TDRD9: variants seen among roughly 807,000 people sequenced by gnomAD.
TDRD9 encodes ATP-dependent RNA helicase TDRD9.
TDRD9 carries 124 observed loss-of-function variants against 172.6 expected under a neutral mutation model. The observed-to-expected ratio is 0.72, with a 90% confidence interval of 0.62 to 0.83. The LOEUF (loss-of-function observed/expected upper bound fraction) is 0.83. Among genes scored for constraint, TDRD9 ranks in the 40% least tolerant of loss-of-function variants. The pLI, the probability that TDRD9 is intolerant of heterozygous loss-of-function variation, is 0.00. For synonymous variants in TDRD9, 619 were observed against 617.1 expected (o/e 1.00, Z -0.05); for missense variants, 1,479 against 1,714.1 (o/e 0.86, Z 2.42).
intron 1 of TDRD9, among the ~76,000 whole-genome samples, chr14:103,940,163 T>G (rs1308199850): frequency 6.6e-6 from 1 of 152,164 alleles, no homozygotes; most frequent in South Asian, 2.1e-4. Flanking sequence ...GTGAATGTTT[T>G]TCTTTGAGAG....
At chr14:104,037,347 C>G (rs2035481903) in intron 32 of TDRD9, among the ~76,000 whole-genome samples, 1 of 152,192 alleles carries the variant, frequency 6.6e-6, no homozygotes, top group African/African-American at 2.4e-5. Flanking sequence ...GACTCGTCTC[C>G]TGTTCGGGTG....
chr14:103,929,657 C>A (rs990617261), intron 1 of TDRD9, among the ~76,000 whole-genome samples: 1 of 151,968 alleles, frequency 6.6e-6, no homozygotes, highest in Non-Finnish European at 1.5e-5. Context: ...GTAGCTGAGG[C>A]TACAGGCATA....
intron 6 of TDRD9, 139 bp from the exon 7 acceptor site, chr14:103,975,250 A>G (rs1369581348): frequency 4.6e-6 from 3 of 652,086 alleles, no homozygotes; most frequent in Non-Finnish European, 7.5e-6. Flanking sequence ...TACACTAGAG[A>G]TTAAATCAGG....
At position 104,004,317 on chromosome 14, in the gene TDRD9, T is replaced by A; in HGVS notation, c.1563T>A (p.His521Gln). ...TCTGGGACAACTCCATCCCTGATCA[T>A]GTTGTTCCTGAGATGTTGGTAATTC... Reference protein sequence around the residue: ...KDFWDNSIPDHVVPEMLRCPL... With the variant: ...KDFWDNSIPDQVVPEMLRCPL... Residue 521 changes from histidine (H) to glutamine (Q), a missense_variant, in exon 14 of 36, where the codon CAT (histidine) becomes CAA (glutamine). Around this residue, in one of 3 missense-constraint regions of TDRD9, gnomAD observed 1,413 missense variants for 1,649.1 expected, o/e 0.86. Coordinates refer to ENST00000409874, the MANE Select transcript of TDRD9 (RefSeq NM_153046.3). 6.3e-7 allele frequency: 1 copy of A among 1,587,302 alleles called. No homozygotes were observed. Among genetic ancestry groups the A allele is most frequent in the Non-Finnish European group, 8.6e-7 (1 of 1,158,558 alleles).
intron 28 of TDRD9, among the ~76,000 whole-genome samples, chr14:104,029,862 T>C (rs1396901721): frequency 6.6e-6 from 1 of 152,186 alleles, no homozygotes; most frequent in Non-Finnish European, 1.5e-5. Context: ...ATACCCAATT[T>C]GCTGAGAATT....
intron 34 of TDRD9, among the ~76,000 whole-genome samples, chr14:104,046,799 C>T (rs1177191335): frequency 6.6e-6 from 1 of 152,068 alleles, no homozygotes; most frequent in Non-Finnish European, 1.5e-5. Context: ...GTGCCCGCCA[C>T]CACACCTGGC....
chr14:104,001,588 C>T (rs2034262457), intron 13 of TDRD9, among the ~76,000 whole-genome samples: 1 of 152,116 alleles, frequency 6.6e-6, no homozygotes, highest in Non-Finnish European at 1.5e-5. Context: ...GTTACTGGGT[C>T]ATGTGGTAAA....
At chr14:103,995,653 C>A in intron 11 of TDRD9, 97 bp from the exon 12 acceptor site, 2 of 1,091,016 alleles carry the variant, frequency 1.8e-6, no homozygotes, top group African/African-American at 1.6e-5. Flanking sequence ...TATTTACATT[C>A]AGAAGCTTTA....
intron 1 of TDRD9, among the ~76,000 whole-genome samples, chr14:103,942,540 G>A (rs2031302345): frequency 6.6e-6 from 1 of 152,222 alleles, no homozygotes; most frequent in African/African-American, 2.4e-5. Flanking sequence ...GTCGCGTGAT[G>A]TGATGCTTTG....
intron 6 of TDRD9, among the ~76,000 whole-genome samples, chr14:103,974,894 G>A (rs116747998): frequency 0.016 from 2,459 of 152,024 alleles, 67 homozygotes; most frequent in African/African-American, 0.056. Flanking sequence ...CATGAGCCAC[G>A]GCACCTGGCC....
chr14:103,978,620 G>T (rs569210929), intron 7 of TDRD9, among the ~76,000 whole-genome samples: 2 of 152,088 alleles, frequency 1.3e-5, no homozygotes, highest in South Asian at 2.1e-4. Context: ...AGACTTTGAC[G>T]ATTTGAAGAG....
chr14:103,969,151 A>G (rs2032906999), intron 5 of TDRD9, among the ~76,000 whole-genome samples: 2 of 149,214 alleles, frequency 1.3e-5, no homozygotes, highest in South Asian at 2.1e-4. Flanking sequence ...CTTTAAGCAA[A>G]TCATTCATTC....
chr14:103,992,371 G>T (rs1051198688), intron 9 of TDRD9, among the ~76,000 whole-genome samples: 2 of 152,192 alleles, frequency 1.3e-5, no homozygotes, highest in African/African-American at 4.8e-5. Flanking sequence ...CAACATATGA[G>T]TTTCAAACTT....
At chr14:103,930,273 C>T (rs1489434239) in intron 1 of TDRD9, among the ~76,000 whole-genome samples, 3 of 152,002 alleles carry the variant, frequency 2.0e-5, no homozygotes, top group Admixed American at 6.6e-5. Context: ...CACAAACCTC[C>T]GCCTCCTGGG....
intron 34 of TDRD9, among the ~76,000 whole-genome samples, chr14:104,047,579 GC>G (rs2035816749): frequency 6.6e-6 from 1 of 152,038 alleles, no homozygotes; most frequent in Non-Finnish European, 1.5e-5. Context: ...TCTGCCTCGT[GC>G]CCGCTCTCTT....
At position 103,975,914 on chromosome 14, in the gene TDRD9, G is replaced by A. The variant is rs137911783; in HGVS notation, c.1011+361G>A. On this transcript the variant is annotated intron_variant, in intron 7 of 35. Coordinates refer to ENST00000409874, the MANE Select transcript of TDRD9 (RefSeq NM_153046.3). ...CGGTGCTCTAGAACACGAAAACTGG[G>A]CGTAGTGGTGGGGGTCTGTAGTTCC... Among the ~76,000 whole-genome samples the A allele has an allele frequency of 5.0e-3, 767 of 152,314 alleles. 8 individuals carry two copies. The highest frequency in any genetic ancestry group is 0.018 in the African/African-American group (739 of 41,550).
At chr14:104,046,937 C>T (rs561140220) in intron 34 of TDRD9, among the ~76,000 whole-genome samples, 5 of 152,358 alleles carry the variant, frequency 3.3e-5, no homozygotes, top group African/African-American at 7.2e-5. Flanking sequence ...TGAGCCACCG[C>T]ACCTGGCCTG....
chr14:103,935,249 A>G (rs895240703), intron 1 of TDRD9, among the ~76,000 whole-genome samples: 3 of 152,210 alleles, frequency 2.0e-5, no homozygotes, highest in African/African-American at 7.2e-5. Flanking sequence ...TCATTCAAGC[A>G]AGAGATAGGA....
chr14:103,961,352 C>T (rs547611290), intron 2 of TDRD9, among the ~76,000 whole-genome samples: 1 of 152,200 alleles, frequency 6.6e-6, no homozygotes, highest in Non-Finnish European at 1.5e-5. Flanking sequence ...AGGCCGAGAT[C>T]AGGAGTTCAA....
Sources: gnomAD v4.1 joint callset for allele counts (sites outside exome capture counted in the v4.1 genomes callset) on GRCh38, gnomAD v4.1.1 for gene constraint, gnomAD v4.1.1 regional missense constraint, MANE v1.5 for transcripts, NCBI Gene and HGNC (gene_info 2026-07-23, HGNC 2026-07-21) for gene names.